Variants in SNX29 observed in about 807,000 individuals in gnomAD.
SNX29 encodes the protein sorting nexin 29, also known as sorting nexin-29.
SNX29 carries 78 observed loss-of-function variants against 102.1 expected under a neutral mutation model. That is an observed-to-expected ratio of 0.76 (90% CI 0.64 to 0.92). The LOEUF (loss-of-function observed/expected upper bound fraction) is 0.92. Among genes scored for constraint, SNX29 ranks in the 40% least tolerant of loss-of-function variants. The pLI is 0.00. For synonymous variants in SNX29, 580 were observed against 414.5 expected (o/e 1.40, Z -4.85); for missense variants, 1,280 against 1,061.7 (o/e 1.21, Z -2.86).
intron 10 of SNX29, among the ~76,000 whole-genome samples, chr16:12,076,393 T>A (rs1470484129): frequency 6.6e-6 from 1 of 151,678 alleles, no homozygotes; most frequent in Non-Finnish European, 1.5e-5. Context: ...ATCCGCCTCC[T>A]GGGTTCAAGT....
chr16:12,535,635 A>C (rs1206244255), intron 20 of SNX29, among the ~76,000 whole-genome samples: 3 of 152,138 alleles, frequency 2.0e-5, no homozygotes, highest in Non-Finnish European at 2.9e-5. Flanking sequence ...AACATGAAGC[A>C]CTTACAGAGC....
At chr16:12,415,045 C>G (rs1198263471) in intron 18 of SNX29, among the ~76,000 whole-genome samples, 2 of 152,216 alleles carry the variant, frequency 1.3e-5, no homozygotes, top group African/African-American at 2.4e-5. Flanking sequence ...AAAGAGACTC[C>G]TTTGAGAAGA....
intron 14 of SNX29, among the ~76,000 whole-genome samples, chr16:12,242,687 T>G (rs971725787): frequency 6.6e-6 from 1 of 151,126 alleles, no homozygotes; most frequent in African/African-American, 2.4e-5. Context: ...AGGGTCTTAC[T>G]GTGTCACCCA....
chr16:12,197,536 A>G (rs1262620910), intron 13 of SNX29, among the ~76,000 whole-genome samples: 1 of 152,216 alleles, frequency 6.6e-6, no homozygotes, highest in Non-Finnish European at 1.5e-5. Flanking sequence ...ATGCTACTGC[A>G]CTCCAGCCTG....
intron 16 of SNX29, among the ~76,000 whole-genome samples, chr16:12,378,799 C>T (rs1005555893): frequency 4.6e-5 from 7 of 152,134 alleles, no homozygotes; most frequent in African/African-American, 7.2e-5. Flanking sequence ...TGCTCCCTTC[C>T]GCTCCCCCAG....
chr16:12,348,444 G>A (rs1395796335), intron 15 of SNX29, among the ~76,000 whole-genome samples: 5 of 152,230 alleles, frequency 3.3e-5, no homozygotes, highest in Non-Finnish European at 7.4e-5. Flanking sequence ...CCCTGAGGGG[G>A]ATGTGGGAGC....
At chr16:12,344,030 A>C (rs1374111744) in intron 15 of SNX29, among the ~76,000 whole-genome samples, 1 of 152,126 alleles carries the variant, frequency 6.6e-6, no homozygotes, top group Non-Finnish European at 1.5e-5. Context: ...TGTGGTAGTG[A>C]GTCTCATGAG....
chr16:12,455,382 C>G (rs922257599), intron 18 of SNX29, among the ~76,000 whole-genome samples: 1 of 152,158 alleles, frequency 6.6e-6, no homozygotes, highest in Admixed American at 6.5e-5. Context: ...AGCCACACAC[C>G]AGGCAAGCCC....
chr16:12,077,561 A>G (rs143464637), intron 10 of SNX29, among the ~76,000 whole-genome samples: 67 of 152,320 alleles, frequency 4.4e-4, no homozygotes, highest in African/African-American at 1.5e-3. Flanking sequence ...TAAAGTTGCT[A>G]TGAAGACTGA....
intron 14 of SNX29, among the ~76,000 whole-genome samples, chr16:12,271,164 A>G (rs1193121785): frequency 1.3e-5 from 2 of 152,272 alleles, no homozygotes; most frequent in African/African-American, 2.4e-5. Context: ...AAAACAACAA[A>G]CATTTACAAT....
At chr16:11,996,766 C>T (rs968775168) in intron 1 of SNX29, among the ~76,000 whole-genome samples, 1 of 152,046 alleles carries the variant, frequency 6.6e-6, no homozygotes, top group Non-Finnish European at 1.5e-5. Context: ...AAACAAAGAG[C>T]GTTTGATTGA....
intron 15 of SNX29, among the ~76,000 whole-genome samples, chr16:12,347,460 A>G (rs541757393): frequency 2.0e-4 from 30 of 152,234 alleles, no homozygotes; most frequent in Admixed American, 1.9e-3. Context: ...ATGCAGGACC[A>G]TGAGCCTCCA....
chr16:12,020,651 T>G (rs1327637597), intron 3 of SNX29, among the ~76,000 whole-genome samples: 3 of 148,712 alleles, frequency 2.0e-5, no homozygotes, highest in Non-Finnish European at 4.5e-5. Flanking sequence ...TGAGATGGAG[T>G]CTCGCTCTGT....
At chr16:12,357,453 C>T (rs2082167983) in intron 16 of SNX29, among the ~76,000 whole-genome samples, 1 of 152,104 alleles carries the variant, frequency 6.6e-6, no homozygotes, top group South Asian at 2.1e-4. Context: ...TTTTTTGATT[C>T]AGGATCCATG....
At chr16:12,215,189 T>A (rs1050697821) in intron 14 of SNX29, among the ~76,000 whole-genome samples, 1 of 152,034 alleles carries the variant, frequency 6.6e-6, no homozygotes, top group East Asian at 1.9e-4. Context: ...ACGGGAGAAC[T>A]GAAGCTTAGA....
At chr16:12,119,360 G>T (rs1270562266) in intron 11 of SNX29, among the ~76,000 whole-genome samples, 4 of 152,122 alleles carry the variant, frequency 2.6e-5, no homozygotes, top group Non-Finnish European at 5.9e-5. Context: ...TTGAGAGTGC[G>T]CACATGAACA....
At chr16:12,498,642 A>T (rs1374788315) in intron 19 of SNX29, among the ~76,000 whole-genome samples, 1 of 152,206 alleles carries the variant, frequency 6.6e-6, no homozygotes, top group African/African-American at 2.4e-5. Flanking sequence ...TGGGAAGGAG[A>T]ACAGATAATG....
intron 3 of SNX29, among the ~76,000 whole-genome samples, chr16:12,026,970 C>T (rs541214105): frequency 2.6e-4 from 39 of 152,270 alleles, no homozygotes; most frequent in African/African-American, 8.4e-4. Context: ...AATTAACATC[C>T]AACCGCTCCC....
chr16:12,485,003 A>C (rs563216761), intron 19 of SNX29, among the ~76,000 whole-genome samples: 9 of 152,202 alleles, frequency 5.9e-5, no homozygotes, highest in Non-Finnish European at 1.3e-4. Flanking sequence ...TAAATTAATG[A>C]ACAAACAAAC....
Sources: allele counts gnomAD v4.1 joint callset (sites outside exome capture counted in the v4.1 genomes callset), GRCh38; gene constraint gnomAD v4.1.1; transcripts MANE v1.5; gene names NCBI Gene and HGNC (gene_info 2026-07-23, HGNC 2026-07-21).